The following KIAA0753 variants were observed in gnomAD, a reference collection of about 807,000 sequenced individuals.
KIAA0753 encodes the protein KIAA0753, also known as protein moonraker.
Under a neutral mutation model 116.9 loss-of-function variants are expected in KIAA0753, and 114 were observed. That is an observed-to-expected ratio of 0.98 (90% confidence interval 0.84 to 1.14). The LOEUF (loss-of-function observed/expected upper bound fraction) is 1.14. Among genes scored for constraint, KIAA0753 ranks in the 50% most tolerant of loss-of-function variants. The pLI, the probability that KIAA0753 is intolerant of heterozygous loss-of-function variation, is 0.00. For synonymous variants in KIAA0753, 405 were observed against 413.1 expected, an observed-to-expected ratio of 0.98 and a Z score of 0.24; for missense variants, 1,156 against 1,172.4, an observed-to-expected ratio of 0.99 and a Z score of 0.20.
At chr17:6,624,964 G>A (rs2150895859) in intron 3 of KIAA0753, 103 bp from the exon 4 acceptor site, 1 of 787,998 alleles carries the variant, frequency 1.3e-6, no homozygotes, top group Non-Finnish European at 2.0e-6. Flanking sequence ...GAAGATCTCT[G>A]GTTTTATTAA....
chr17:6,620,563 C>G (rs1277779816), intron 7 of KIAA0753, among the ~76,000 whole-genome samples: 1 of 151,934 alleles, frequency 6.6e-6, no homozygotes, highest in African/African-American at 2.4e-5. Flanking sequence ...TTGGGTAGCC[C>G]AAACACTATG....
chr17:6,634,633 A>C (rs956827128), intron 2 of KIAA0753: 1 of 166,446 alleles, frequency 6.0e-6, no homozygotes, highest in Non-Finnish European at 1.3e-5. Flanking sequence ...AGATTTTCAT[A>C]ATATAATGCT....
At chr17:6,587,019 G>A (rs1968624438) in intron 18 of KIAA0753, among the ~76,000 whole-genome samples, 1 of 152,160 alleles carries the variant, frequency 6.6e-6, no homozygotes, top group African/African-American at 2.4e-5. Flanking sequence ...TGGATCACCT[G>A]AGGTTATGAG....
intron 7 of KIAA0753, among the ~76,000 whole-genome samples, chr17:6,619,672 C>T (rs887367826): frequency 2.6e-5 from 4 of 152,294 alleles, no homozygotes; most frequent in East Asian, 3.9e-4. Context: ...AGCAATACAC[C>T]TGCCTTGGCC....
intron 3 of KIAA0753, 148 bp from the exon 4 acceptor site, chr17:6,625,009 T>C (rs1376630908): frequency 3.3e-6 from 2 of 603,288 alleles, no homozygotes; most frequent in Non-Finnish European, 5.8e-6. Flanking sequence ...GAAAATTTCA[T>C]TTTTCATCAG....
intron 12 of KIAA0753, 22 bp downstream of exon 12, chr17:6,606,851 T>C: frequency 1.9e-6 from 3 of 1,601,222 alleles, no homozygotes; most frequent in Non-Finnish European, 2.6e-6. Flanking sequence ...TCCACTATTC[T>C]TCCTAAGAAG....
At chr17:6,625,222 C>T (rs1971587707) in intron 3 of KIAA0753, among the ~76,000 whole-genome samples, 1 of 152,084 alleles carries the variant, frequency 6.6e-6, no homozygotes, top group East Asian at 1.9e-4. Flanking sequence ...TTTTTATTGG[C>T]CTGTTTTTAT....
chr17:6,594,284 C>CA (rs1969302793), intron 16 of KIAA0753, among the ~76,000 whole-genome samples: 1 of 149,850 alleles, frequency 6.7e-6, no homozygotes, highest in Non-Finnish European at 1.5e-5. Flanking sequence ...CTGACCCCCC[C>CA]CCCCAGAACT....
At chr17:6,601,094 CCA>C (rs1969838583) in intron 12 of KIAA0753, 1 of 152,548 alleles carries the variant, frequency 6.6e-6, no homozygotes, top group Non-Finnish European at 1.5e-5. Context: ...AAACTAGAAC[CCA>C]CACAATTTGT....
intron 12 of KIAA0753, among the ~76,000 whole-genome samples, chr17:6,606,535 T>C (rs947418002): frequency 6.6e-6 from 1 of 152,332 alleles, no homozygotes; most frequent in East Asian, 1.9e-4. Context: ...GAGCAGAACA[T>C]GTATGTGCAT....
At chr17:6,636,384 T>C (rs1466162142) in intron 1 of KIAA0753, 2 of 152,072 alleles carry the variant, frequency 1.3e-5, no homozygotes, top group Admixed American at 1.3e-4. Context: ...CTGCCACTTT[T>C]AAATGGTCAG....
At chr17:6,607,847 G>A (rs184234204) in intron 10 of KIAA0753, among the ~76,000 whole-genome samples, 9 of 152,220 alleles carry the variant, frequency 5.9e-5, no homozygotes, top group Non-Finnish European at 8.8e-5. Context: ...CTCCCATATT[G>A]AAATCCTGCC....
At chr17:6,611,829 T>G (rs1353295288) in intron 8 of KIAA0753, 90 bp downstream of exon 8, 17 of 1,017,520 alleles carry the variant, frequency 1.7e-5, no homozygotes, top group Admixed American at 6.1e-5. Flanking sequence ...TCCAATTGCC[T>G]GAGAACTGGC....
chr17:6,627,800 A>G (rs1400438673), intron 3 of KIAA0753, among the ~76,000 whole-genome samples: 1 of 152,228 alleles, frequency 6.6e-6, no homozygotes, highest in Non-Finnish European at 1.5e-5. Flanking sequence ...GATAATTTGC[A>G]CTCAGGTCCC....
intron 7 of KIAA0753, among the ~76,000 whole-genome samples, chr17:6,613,889 T>C (rs1033724942): frequency 2.0e-5 from 3 of 152,202 alleles, no homozygotes; most frequent in African/African-American, 7.2e-5. Flanking sequence ...ACAACTTCCA[T>C]TTGACAAAAA....
chr17:6,615,795 AGCC>A, intron 7 of KIAA0753, among the ~76,000 whole-genome samples: 1 of 152,290 alleles, frequency 6.6e-6, no homozygotes, highest in Middle Eastern at 3.4e-3. Context: ...GTGGGAAGGG[AGCC>A]ACCACCCTCA....
intron 6 of KIAA0753, among the ~76,000 whole-genome samples, chr17:6,622,052 C>T (rs1181268321): frequency 6.6e-6 from 1 of 151,968 alleles, no homozygotes; most frequent in Non-Finnish European, 1.5e-5. Flanking sequence ...GTCTAGAATT[C>T]TCTCCACTAT....
At position 6,628,449 on chromosome 17, in the gene KIAA0753, G is replaced by A. The variant is rs957800629; in HGVS notation, c.386C>T (p.Ser129Phe). ...EHHLRSQPQS[S>F]QKCGHTKYKI... ...ATACTTAGTATGTCCACACTTCTGAGAGCTTTGAGGCTGACTTCTGAGATG... is the reference window on the plus strand; with the variant it reads ...ATACTTAGTATGTCCACACTTCTGAAAGCTTTGAGGCTGACTTCTGAGATG... Residue 129 changes from serine (S) to phenylalanine (F), a missense_variant, in exon 3 of 19, where the codon TCT (serine) becomes TTT (phenylalanine). Ser to Phe is a radical substitution (Grantham distance 155). Transcript: ENST00000361413. 37 of 1,614,046 alleles carry A rather than the reference G, an allele frequency of 2.3e-5. No individual in the cohort carries two copies. Among genetic ancestry groups the A allele is most frequent in the Non-Finnish European group, 3.1e-5 (36 of 1,180,032 alleles).
Position 6,596,311 on chromosome 17 carries a change from A to G in KIAA0753, c.2205T>C (p.Ile735=). Residue 735 remains isoleucine (I), a synonymous_variant, in exon 15 of 19, where the codon ATT becomes ATC. Transcript: ENST00000361413. The part of the protein sequence containing the change: ...VAAVDFESNN[I]RQLDDFLEDC... ...CTTCCAAAAAATCATCAAGCTGACG[A>G]ATGTTGTTGGATTCAAAATCAACAG... 1.2e-6 allele frequency: 2 copies of G among 1,603,782 alleles called. No individual in the cohort carries two copies. The highest frequency in any genetic ancestry group is 1.7e-6 in the Non-Finnish European group (2 of 1,173,944).
Sources: allele counts gnomAD v4.1 joint callset (sites outside exome capture counted in the v4.1 genomes callset), GRCh38; gene constraint gnomAD v4.1.1; transcripts MANE v1.5; gene names NCBI Gene and HGNC (gene_info 2026-07-23, HGNC 2026-07-21).